The following RAB27A variants were observed in gnomAD, a reference collection of about 807,000 sequenced individuals.
RAB27A encodes the protein ras-related protein Rab-27A.
A neutral mutation model predicts 20.8 loss-of-function variants in RAB27A; 17 were observed. The observed-to-expected ratio is 0.82, with a 90% CI of 0.56 to 1.23. The LOEUF (loss-of-function observed/expected upper bound fraction) is 1.23. Among genes scored for constraint, RAB27A ranks in the 50% most tolerant of loss-of-function variants. The pLI is 0.00. For missense variants in RAB27A, 277 were observed against 266.7 expected (o/e 1.04, Z -0.27); for synonymous variants, 85 against 92.8 (o/e 0.92, Z 0.48).
intron 3 of RAB27A, 100 bp downstream of exon 3, chr15:55,234,682 T>C: frequency 7.6e-7 from 1 of 1,322,140 alleles, no homozygotes; most frequent in Admixed American, 1.7e-5. Context: ...TAATTTCAGA[T>C]CCCAACCTTT....
chr15:55,273,955 A>T (rs1390778935), intron 1 of RAB27A, among the ~76,000 whole-genome samples: 4 of 152,208 alleles, frequency 2.6e-5, no homozygotes, highest in Admixed American at 6.5e-5. Flanking sequence ...CATTCTTCTC[A>T]AGCGCACGTG....
At position 55,246,095 on chromosome 15, in the gene RAB27A, T is replaced by C. The variant is rs901081132; in HGVS notation, c.-22-11139A>G. On this transcript the variant is annotated intron_variant, in intron 2 of 6. Transcript: ENST00000336787. ...CTAAGATATATATATGATATAGATA[T>C]ATATATAATACATATAAATATATAT... 2.0e-5 allele frequency among the ~76,000 whole-genome samples: 3 copies of C among 150,744 alleles called. No homozygotes were observed. The Admixed American group carries it at 2.0e-4, about 10-fold the overall frequency.
At chr15:55,299,592 CAAAA>C (rs570200207) in intron 2 of RAB27A, among the ~76,000 whole-genome samples, 8 of 70,302 alleles carry the variant, frequency 1.1e-4, no homozygotes, top group African/African-American at 3.8e-4. Context: ...GAATCTGTCT[CAAAA>C]AAAAAAAAAA....
chr15:55,267,507 C>T (rs1049690921), intron 2 of RAB27A, among the ~76,000 whole-genome samples: 30 of 152,206 alleles, frequency 2.0e-4, no homozygotes, highest in African/African-American at 7.0e-4. Flanking sequence ...AGGGCCCCAG[C>T]CACGCTGCAG....
intron 1 of RAB27A, among the ~76,000 whole-genome samples, chr15:55,286,950 C>T (rs1265202210): frequency 1.6e-5 from 2 of 121,516 alleles, no homozygotes; most frequent in African/African-American, 3.0e-5. Flanking sequence ...GACGGACTCA[C>T]ACTCTGTCGC....
intron 1 of RAB27A, among the ~76,000 whole-genome samples, chr15:55,280,625 A>G (rs1897991693): frequency 6.6e-6 from 1 of 151,758 alleles, no homozygotes; most frequent in Non-Finnish European, 1.5e-5. Flanking sequence ...CATAATTTAC[A>G]TTAGGTATTT....
chr15:55,251,421 C>T (rs1013080110), intron 2 of RAB27A, among the ~76,000 whole-genome samples: 2 of 152,112 alleles, frequency 1.3e-5, no homozygotes, highest in Non-Finnish European at 2.9e-5. Context: ...CAGCATCGAC[C>T]ATGGGATAGG....
chr15:55,217,481 G>A (rs1895360055), intron 6 of RAB27A, among the ~76,000 whole-genome samples: 1 of 149,096 alleles, frequency 6.7e-6, no homozygotes, highest in South Asian at 2.1e-4. Context: ...CCAACATGGT[G>A]AAACCTCGTC....
rs142127867 is a variant in RAB27A, at chr15:55,222,642, C to T, written c.467+1247G>A. Among the ~76,000 whole-genome samples, 11 of 152,230 alleles carry T rather than the reference C, an allele frequency of 7.2e-5. No individual in the cohort carries two copies. The East Asian group carries it at 1.4e-3, about 19-fold the overall frequency. On this transcript the variant is annotated intron_variant, in intron 6 of 6. Transcript: ENST00000336787. ...CTCCCCCTCCCTTCCCACTATAAAC[C>T]CTACCAGCTTTCTGAACCTCCATCA... is the stretch of plus-strand genomic sequence containing the variant.
Position 55,288,670 on chromosome 15 carries a change from C to T in RAB27A, c.-143+1046G>A, listed in dbSNP as rs186146700. Reference sequence around the variant, plus strand: ...AGGAAGAAAAAAGTAGGAATGAAAACATAAAACAACATAAACCAACATAAA... The same window carrying T: ...AGGAAGAAAAAAGTAGGAATGAAAATATAAAACAACATAAACCAACATAAA... On this transcript the variant is annotated intron_variant, in intron 1 of 6. Transcript: ENST00000336787. 6.6e-5 allele frequency among the ~76,000 whole-genome samples: 10 copies of T among 152,000 alleles called. No individual in the cohort carries two copies. The East Asian group carries it at 1.5e-3, about 23-fold the overall frequency.
At chr15:55,221,777 T>A (rs1297786892) in intron 6 of RAB27A, among the ~76,000 whole-genome samples, 4 of 152,164 alleles carry the variant, frequency 2.6e-5, no homozygotes, top group African/African-American at 9.7e-5. Context: ...CTTATTGTCA[T>A]AAACCTGCAA....
intron 6 of RAB27A, among the ~76,000 whole-genome samples, chr15:55,216,944 G>A (rs964667777): frequency 5.3e-5 from 8 of 152,200 alleles, no homozygotes; most frequent in African/African-American, 1.9e-4. Flanking sequence ...AGAGCTGTGA[G>A]CTACTGTCCA....
At chr15:55,251,858 G>A (rs1032552464) in intron 2 of RAB27A, among the ~76,000 whole-genome samples, 2 of 152,120 alleles carry the variant, frequency 1.3e-5, no homozygotes, top group Non-Finnish European at 2.9e-5. Context: ...GTCATGAGGA[G>A]TGTTTTACAT....
chr15:55,291,354 C>T (rs1292281141), upstream of RAB27A, among the ~76,000 whole-genome samples: 1 of 151,736 alleles, frequency 6.6e-6, no homozygotes, highest in Non-Finnish European at 1.5e-5. Context: ...ACTAAAAATA[C>T]AAAAAATTAG....
chr15:55,309,772 G>A lies in RAB27A; in HGVS notation c.-112+4267C>T, dbSNP rs117830610. Among the ~76,000 whole-genome samples, 1,205 of 152,048 alleles carry A rather than the reference G, an allele frequency of 7.9e-3. 10 individuals are homozygous for A. The highest frequency in any genetic ancestry group is 0.012 in the Non-Finnish European group (840 of 67,994). Reference sequence around the variant, plus strand: ...GGACAATGGCCTCATTGATAATCCCGAAATCTTGCACTAACCTCCACTGTC... The same window carrying A: ...GGACAATGGCCTCATTGATAATCCCAAAATCTTGCACTAACCTCCACTGTC... On this transcript the variant is annotated intron_variant, in intron 2 of 5. Coordinates refer to the RAB27A transcript ENST00000563262.
chr15:55,305,465 G>C (rs962764673), intron 2 of RAB27A, among the ~76,000 whole-genome samples: 1 of 152,188 alleles, frequency 6.6e-6, no homozygotes, highest in Non-Finnish European at 1.5e-5. Context: ...TTCTGGAAGA[G>C]ACAAACTTAA....
chr15:55,293,739 G>A (rs1441854146), upstream of RAB27A, among the ~76,000 whole-genome samples: 1 of 152,184 alleles, frequency 6.6e-6, no homozygotes, highest in South Asian at 2.1e-4. Flanking sequence ...CCAACTTGGC[G>A]AAACCCGTCT....
intron 2 of RAB27A, among the ~76,000 whole-genome samples, chr15:55,306,836 G>C (rs1341977981): frequency 2.0e-5 from 3 of 152,140 alleles, no homozygotes; most frequent in Non-Finnish European, 4.4e-5. Context: ...GAGACTGAAA[G>C]GTGGTGAGAG....
Position 55,304,365 on chromosome 15 carries a change from C to T in RAB27A, c.-112+9674G>A, listed in dbSNP as rs551586793. ...TCCTCTGCCTAGGAAAACCAGAGAC[C>T]TTTGTTCACTTGTTTATCTGCTGAC... On this transcript the variant is annotated intron_variant, in intron 2 of 5. Coordinates refer to the RAB27A transcript ENST00000563262. 3.3e-3 allele frequency among the ~76,000 whole-genome samples: 506 copies of T among 151,442 alleles called. 2 individuals carry two copies. Among genetic ancestry groups the T allele is most frequent in the African/African-American group, 0.011 (473 of 41,150 alleles).
Sources: allele counts gnomAD v4.1 joint callset (sites outside exome capture counted in the v4.1 genomes callset), GRCh38; gene constraint gnomAD v4.1.1; transcripts MANE v1.5; gene names NCBI Gene and HGNC (gene_info 2026-07-23, HGNC 2026-07-21).